IRS1: variants seen among roughly 807,000 people sequenced by gnomAD.
The protein encoded by IRS1 is insulin receptor substrate 1.
IRS1 carries 34 observed loss-of-function variants against 65.6 expected under a neutral mutation model. That is an observed-to-expected ratio of 0.52 (90% CI 0.39 to 0.69). The LOEUF is 0.69. Ranked by LOEUF, IRS1 falls within the 30% of genes least tolerant of loss-of-function variation. The pLI, the probability that IRS1 is intolerant of heterozygous loss-of-function variation, is 0.00. For synonymous variants in IRS1, 699 were observed against 683.5 expected, an observed-to-expected ratio of 1.02 and a Z score of -0.35; for missense variants, 1,641 against 1,720.2, an observed-to-expected ratio of 0.95 and a Z score of 0.81.
At chr2:226,745,662 T>C (rs1938527295) in intron 1 of IRS1, among the ~76,000 whole-genome samples, 1 of 152,234 alleles carries the variant, frequency 6.6e-6, no homozygotes, top group Non-Finnish European at 1.5e-5. Context: ...GACATTTTCT[T>C]ATCATTGTGC....
chr2:226,767,462 C>G (rs1335576085), intron 1 of IRS1, among the ~76,000 whole-genome samples: 2 of 152,174 alleles, frequency 1.3e-5, no homozygotes, highest in African/African-American at 4.8e-5. Flanking sequence ...AAAATGAGCA[C>G]CTTACACCCC....
intron 1 of IRS1, among the ~76,000 whole-genome samples, chr2:226,751,161 A>G (rs1298553564): frequency 1.3e-5 from 2 of 152,096 alleles, no homozygotes; most frequent in Non-Finnish European, 2.9e-5. Flanking sequence ...CTAGAGAAGA[A>G]TGAGAAACTT....
At chr2:226,760,955 T>C (rs1938904966) in intron 1 of IRS1, among the ~76,000 whole-genome samples, 1 of 152,180 alleles carries the variant, frequency 6.6e-6, no homozygotes, top group South Asian at 2.1e-4. Context: ...CTAAGGTCAA[T>C]CTTGTGAAAG....
chr2:226,776,595 G>T (rs1239029307), intron 1 of IRS1, among the ~76,000 whole-genome samples: 2 of 152,284 alleles, frequency 1.3e-5, no homozygotes, highest in East Asian at 3.9e-4. Context: ...TCAAGGTGAT[G>T]AAATGGCACT....
intron 1 of IRS1, among the ~76,000 whole-genome samples, chr2:226,756,489 A>G (rs1204357286): frequency 1.3e-5 from 2 of 152,232 alleles, no homozygotes; most frequent in African/African-American, 2.4e-5. Context: ...GAAAAAAAAC[A>G]AACTAACATA....
intron 1 of IRS1, among the ~76,000 whole-genome samples, chr2:226,749,115 CACTT>C (rs748202968): frequency 6.6e-6 from 1 of 152,182 alleles, no homozygotes; most frequent in Non-Finnish European, 1.5e-5. Flanking sequence ...CTATAATTAA[CACTT>C]AATTAACAGC....
At chr2:226,751,275 T>TA in intron 1 of IRS1, among the ~76,000 whole-genome samples, 1 of 57,096 alleles carries the variant, frequency 1.8e-5, no homozygotes, top group Non-Finnish European at 3.1e-5. Context: ...CACACGGGTA[T>TA]TTTTTTTTTT....
rs998233469 is a variant in IRS1 at position 226,799,291 on chromosome 2, C to G, written c.-553G>C. On this transcript the variant is annotated 5_prime_UTR_variant, in exon 1 of 2. Transcript: ENST00000305123. The surrounding 1 kb of genome is among the most constrained non-coding windows in gnomAD (Gnocchi z 6.1). ...TCCTCCTTCGCCTCCTCCCACCCCC[C>G]AACCGTCCCAGCCGCCACCAGCCGC... is the stretch of plus-strand genomic sequence containing the variant. The G allele has an allele frequency of 1.3e-5, 15 of 1,196,894 alleles. No individual in the cohort carries two copies. The Admixed American group carries it at 5.0e-4, about 40-fold the overall frequency. 74.1% of individuals were successfully genotyped at this position (1,196,894 alleles called of 1,614,324 possible). A position where few individuals can be genotyped will look rare whatever the true frequency, so the allele number is the denominator to read the frequency against.
rs537549029 is a variant in IRS1, at chr2:226,742,713, G to GAAAAAA, written c.*22-6469_*22-6464dup. On this transcript the variant is annotated intron_variant, in intron 1 of 1. Transcript: ENST00000305123. ...CAATGAAGAAAGGCACACGCATTAT[G>GAAAAAA]AAAAAAAAAAAAAAGAAGACCGAAA... 4.4e-3 allele frequency among the ~76,000 whole-genome samples: 548 copies of GAAAAAA among 124,614 alleles called. 1 individual carries two copies. The highest frequency in any genetic ancestry group is 0.015 in the African/African-American group (522 of 35,898). 81.8% of individuals were successfully genotyped at this position (124,614 alleles called of 152,430 possible).
At chr2:226,750,175 G>A (rs1394125189) in intron 1 of IRS1, among the ~76,000 whole-genome samples, 2 of 151,378 alleles carry the variant, frequency 1.3e-5, no homozygotes, top group African/African-American at 4.9e-5. Context: ...CTTGAACCCA[G>A]GAGGCGGAGG....
chr2:226,739,734 G>T (rs1938398347), intron 1 of IRS1, among the ~76,000 whole-genome samples: 1 of 152,142 alleles, frequency 6.6e-6, no homozygotes. Flanking sequence ...TCATCTGTCT[G>T]TATCTCCCTA....
chr2:226,797,478 TG>T lies in IRS1; in HGVS notation c.1260del (p.Ser421AlafsTer42). 6.2e-7 allele frequency: 1 copy of T among 1,613,532 alleles called. No individual in the cohort carries two copies. On this transcript the variant is annotated frameshift_variant, in exon 1 of 2. Transcript: ENST00000305123. LOFTEE classifies it high-confidence loss of function. The surrounding 1 kb of genome is among the most constrained non-coding windows in gnomAD (Gnocchi z 8.1). ...TCCGAGGAGATGAAACCGCCATCGC[TG>T]GGGGAACCAGACACCGAAGCACTAG... is the stretch of plus-strand genomic sequence containing the variant. ...RRSSASVSGS[P>X]SDGGFISSDE...
rs963508373 is a variant in IRS1, at chr2:226,732,630, T to A, written c.*3642A>T. Reference sequence around the variant, plus strand: ...TACACACACACATCCCACACACACGTCACATATATATACACACACACAAAG... The same window carrying A: ...TACACACACACATCCCACACACACGACACATATATATACACACACACAAAG... On this transcript the variant is annotated 3_prime_UTR_variant, in exon 2 of 2. Transcript: ENST00000305123. The A allele has an allele frequency of 6.7e-6, 1 of 148,844 alleles. No homozygotes were observed. Among genetic ancestry groups the A allele is most frequent in the African/African-American group, 2.5e-5 (1 of 40,164 alleles). 9.2% of individuals were successfully genotyped at this position (148,844 alleles called of 1,614,324 possible).
intron 1 of IRS1, among the ~76,000 whole-genome samples, chr2:226,758,533 CTT>C (rs752054727): frequency 7.9e-5 from 12 of 152,026 alleles, no homozygotes; most frequent in African/African-American, 2.7e-4. Flanking sequence ...AATATTTAGA[CTT>C]GGGTAGAAAT....
At position 226,732,685 on chromosome 2, in the gene IRS1, A is replaced by G. The variant is rs1408692710; in HGVS notation, c.*3587T>C. On this transcript the variant is annotated 3_prime_UTR_variant, in exon 2 of 2. Coordinates refer to ENST00000305123, the MANE Select transcript of IRS1 (RefSeq NM_005544.3). The stretch of plus-strand genomic sequence containing the variant: ...ACACATGTCACATATATATACACAC[A>G]CACATATATATACACACACACAAAC... 1.4e-5 allele frequency: 2 copies of G among 145,442 alleles called. No individual in the cohort carries two copies. The highest frequency in any genetic ancestry group is 2.1e-4 in the South Asian group (1 of 4,696). The allele number at this position is 145,442 out of a possible 1,614,324, so 9.0% of individuals were successfully genotyped here.
At chr2:226,773,759 C>T (rs972181227) in intron 1 of IRS1, among the ~76,000 whole-genome samples, 1 of 152,004 alleles carries the variant, frequency 6.6e-6, no homozygotes, top group Non-Finnish European at 1.5e-5. Flanking sequence ...ACCCAGCAGC[C>T]CCTCCCCATC....
At chr2:226,740,014 C>T (rs1177023553) in intron 1 of IRS1, among the ~76,000 whole-genome samples, 1 of 152,080 alleles carries the variant, frequency 6.6e-6, no homozygotes, top group Admixed American at 6.5e-5. Context: ...AATTGACAGA[C>T]CAGAGGTAGC....
At chr2:226,769,997 G>T (rs1350289185) in intron 1 of IRS1, among the ~76,000 whole-genome samples, 2 of 151,144 alleles carry the variant, frequency 1.3e-5, no homozygotes, top group Admixed American at 6.6e-5. Context: ...CTCCCAGAAA[G>T]GATATAGGAG....
chr2:226,799,465 A>T lies in IRS1; in HGVS notation c.-727T>A, dbSNP rs1216212529. ...GGCGGGTGGAGAAAGTGGCTTTTCC[A>T]TGCGAAACGATACCGGGCAGCCACT... On this transcript the variant is annotated 5_prime_UTR_variant, in exon 1 of 2. The change abolishes an upstream ATG in the 5' untranslated region. Transcript: ENST00000305123. This position sits in a 1 kb window ranked among gnomAD's most constrained non-coding sequence, Gnocchi z 6.1. The T allele has an allele frequency of 1.0e-5, 12 of 1,185,388 alleles. No individual in the cohort carries two copies. The highest frequency in any genetic ancestry group is 3.4e-5 in the African/African-American group (2 of 59,624). The allele number at this position is 1,185,388 out of a possible 1,614,324, so 73.4% of individuals were successfully genotyped here.
Sources: allele counts gnomAD v4.1 joint callset (sites outside exome capture counted in the v4.1 genomes callset), GRCh38; gene constraint gnomAD v4.1.1; non-coding constraint Gnocchi (gnomAD v3.1); transcripts MANE v1.5; gene names NCBI Gene and HGNC (gene_info 2026-07-23, HGNC 2026-07-21).